The following HMGN3 variants were observed in gnomAD, a reference collection of about 807,000 sequenced individuals.
HMGN3 encodes high mobility group nucleosomal binding domain 3, also known as high mobility group nucleosome-binding domain-containing protein 3.
Under a neutral mutation model 18.8 loss-of-function variants are expected in HMGN3, and 6 were observed. That is an observed-to-expected ratio of 0.32 (90% CI 0.18 to 0.63). The LOEUF (loss-of-function observed/expected upper bound fraction) is 0.63. HMGN3 is among the 30% of genes least tolerant of loss of function. HMGN3 has a pLI of 0.79. For synonymous variants in HMGN3, 40 were observed against 36.5 expected, an observed-to-expected ratio of 1.10 and a Z score of -0.35; for missense variants, 107 against 114.2, an observed-to-expected ratio of 0.94 and a Z score of 0.29.
chr6:79,214,090 A>G (rs1483250615), intron 2 of HMGN3, among the ~76,000 whole-genome samples: 4 of 152,154 alleles, frequency 2.6e-5, no homozygotes, highest in Non-Finnish European at 4.4e-5. Flanking sequence ...GAATTTTAAA[A>G]CAAAACATCT....
intron 1 of HMGN3, among the ~76,000 whole-genome samples, chr6:79,226,863 G>C (rs1425050184): frequency 1.3e-5 from 2 of 152,160 alleles, no homozygotes; most frequent in African/African-American, 2.4e-5. Flanking sequence ...TATGCCCACA[G>C]GGTAGAAGAA....
intron 1 of HMGN3, among the ~76,000 whole-genome samples, chr6:79,220,604 A>G (rs1339749806): frequency 2.0e-5 from 3 of 151,976 alleles, no homozygotes; most frequent in Non-Finnish European, 4.4e-5. Flanking sequence ...GTGCCACCAC[A>G]CCTGGCTAAT....
At chr6:79,227,443 C>T (rs975324962) in intron 1 of HMGN3, among the ~76,000 whole-genome samples, 2 of 152,158 alleles carry the variant, frequency 1.3e-5, no homozygotes, top group African/African-American at 4.8e-5. Context: ...TTTATCATCC[C>T]ACAAAGTGGA....
At chr6:79,234,377 G>T in intron 1 of HMGN3, 169 bp downstream of exon 1, 1 of 428,596 alleles carries the variant, frequency 2.3e-6, no homozygotes, top group Non-Finnish European at 4.2e-6. Flanking sequence ...GGGTAGGGGG[G>T]ACAGAGAGAG....
intron 2 of HMGN3, among the ~76,000 whole-genome samples, chr6:79,213,462 C>T (rs1334949898): frequency 1.5e-5 from 2 of 131,096 alleles, no homozygotes; most frequent in African/African-American, 5.7e-5. Flanking sequence ...AACCCAAATG[C>T]TTTTGTTTTG....
chr6:79,202,490 G>A (rs530664850), intron 4 of HMGN3, 101 bp from the exon 5 acceptor site: 11 of 960,294 alleles, frequency 1.1e-5, no homozygotes, highest in Non-Finnish European at 1.6e-5. Flanking sequence ...AAGTACAACC[G>A]TTACCATCAT....
intron 1 of HMGN3, among the ~76,000 whole-genome samples, chr6:79,229,635 T>C (rs1018376767): frequency 6.6e-6 from 1 of 152,152 alleles, no homozygotes; most frequent in Non-Finnish European, 1.5e-5. Context: ...CCCAGCACTT[T>C]GGGAGGCCGA....
chr6:79,223,859 T>C (rs1280097185), intron 1 of HMGN3, among the ~76,000 whole-genome samples: 1 of 152,126 alleles, frequency 6.6e-6, no homozygotes. Flanking sequence ...CTTGAGTTTC[T>C]TCACCAGTAA....
intron 4 of HMGN3, among the ~76,000 whole-genome samples, 200 bp from the exon 5 acceptor site, chr6:79,202,589 T>C (rs1210895879): frequency 1.3e-5 from 2 of 152,188 alleles, no homozygotes; most frequent in Non-Finnish European, 2.9e-5. Context: ...GAAAATGTAG[T>C]AACAGGTTGC....
intron 1 of HMGN3, among the ~76,000 whole-genome samples, chr6:79,225,755 T>A (rs1214586300): frequency 5.9e-5 from 9 of 152,204 alleles, no homozygotes; most frequent in Admixed American, 6.5e-5. Context: ...ACTGCATATG[T>A]GTATCTTGTC....
chr6:79,217,736 G>A (rs138891479), intron 1 of HMGN3, among the ~76,000 whole-genome samples: 209 of 152,280 alleles, frequency 1.4e-3, no homozygotes, highest in African/African-American at 3.6e-3. Flanking sequence ...GCCACAGGCC[G>A]GAGACAGGAA....
At chr6:79,233,908 G>C (rs1777998191) in intron 1 of HMGN3, 1 of 152,540 alleles carries the variant, frequency 6.6e-6, no homozygotes, top group African/African-American at 2.4e-5. Context: ...CAACTCCACC[G>C]CTCCCGCCCC....
intron 3 of HMGN3, among the ~76,000 whole-genome samples, chr6:79,205,499 A>G (rs1776380301): frequency 6.6e-6 from 1 of 152,248 alleles, no homozygotes; most frequent in African/African-American, 2.4e-5. Context: ...CACGTAAGAC[A>G]TAATTTGCTC....
intron 1 of HMGN3, among the ~76,000 whole-genome samples, chr6:79,216,421 C>T (rs373058426): frequency 1.6e-4 from 24 of 152,154 alleles, no homozygotes; most frequent in African/African-American, 4.1e-4. Context: ...TAAAAATGTA[C>T]GCAAAACAAA....
chr6:79,230,262 G>A (rs1308416947), intron 1 of HMGN3, among the ~76,000 whole-genome samples: 1 of 152,108 alleles, frequency 6.6e-6, no homozygotes. Context: ...AAGTAGATTA[G>A]TGCCTAGGGC....
chr6:79,208,785 G>A (rs1776544799), intron 2 of HMGN3, among the ~76,000 whole-genome samples: 1 of 152,116 alleles, frequency 6.6e-6, no homozygotes. Flanking sequence ...AAAAGGGGTA[G>A]GTATACTGTT....
chr6:79,228,782 G>T (rs1283834003), intron 1 of HMGN3, among the ~76,000 whole-genome samples: 6 of 152,150 alleles, frequency 3.9e-5, no homozygotes, highest in Non-Finnish European at 7.4e-5. Context: ...GCCCAAGCTG[G>T]TCTCAAACTC....
intron 1 of HMGN3, chr6:79,234,188 C>A (rs1042075750): frequency 4.5e-6 from 1 of 224,412 alleles, no homozygotes; most frequent in Non-Finnish European, 8.7e-6. Flanking sequence ...CGCTGTTTTC[C>A]CTTCACACTA....
In HMGN3 at chr6:79,208,589, TG is replaced by T. The variant is rs1384266633; in HGVS notation, c.67-14del. ...ACCGTCTTGTGGGCTACAAAGGGAA[TG>T]GGAAAATATACATATTTTTTGGTGA... On this transcript the variant is annotated splice_polypyrimidine_tract_variant and intron_variant, in intron 2 of 5. Coordinates refer to ENST00000344726, the Ensembl canonical transcript of HMGN3. 1.9e-6 allele frequency: 3 copies of T among 1,602,354 alleles called. No homozygotes were observed. Among genetic ancestry groups the T allele is most frequent in the Non-Finnish European group, 1.7e-6 (2 of 1,169,234 alleles).
Sources: allele counts gnomAD v4.1 joint callset (sites outside exome capture counted in the v4.1 genomes callset), GRCh38; gene constraint gnomAD v4.1.1; transcripts MANE v1.5; gene names NCBI Gene and HGNC (gene_info 2026-07-23, HGNC 2026-07-21).